Variants in SLC8A2 observed in about 807,000 individuals in gnomAD.
SLC8A2 encodes solute carrier family 8 member A2, also known as sodium/calcium exchanger 2.
SLC8A2 carries 14 observed loss-of-function variants against 70.2 expected under a neutral mutation model. The observed-to-expected ratio is 0.20, with a 90% CI of 0.13 to 0.31. The LOEUF (loss-of-function observed/expected upper bound fraction) is 0.31. Ranked by LOEUF, SLC8A2 falls within the 10% of genes least tolerant of loss-of-function variation. The pLI, the probability that SLC8A2 is intolerant of heterozygous loss-of-function variation, is 1.00. For missense variants in SLC8A2, 779 were observed against 1,320.1 expected, an observed-to-expected ratio of 0.59 and a Z score of 6.35; for synonymous variants, 575 against 594.3, an observed-to-expected ratio of 0.97 and a Z score of 0.47.
intron 1 of SLC8A2, among the ~76,000 whole-genome samples, chr19:47,469,115 T>A (rs1599862252): frequency 8.5e-6 from 1 of 117,912 alleles, no homozygotes; most frequent in Middle Eastern, 4.4e-3. Flanking sequence ...AGCATGCCTG[T>A]GTGCGTGTGT....
rs1250856960 is a variant in SLC8A2, at chr19:47,429,834, T to C, written c.*255A>G. 1 of 571,976 alleles carries C rather than the reference T, an allele frequency of 1.7e-6. No homozygotes were observed. Among genetic ancestry groups the C allele is most frequent in the Admixed American group, 3.2e-5 (1 of 31,106 alleles). The allele number at this position is 571,976 out of a possible 1,614,324, so 35.4% of individuals were successfully genotyped here. On this transcript the variant is annotated 3_prime_UTR_variant, in exon 10 of 10. Transcript: ENST00000236877. ...GAAATTTCCCCAGGGATATAGACGG[T>C]CACCAACAGGATGGGCTGGAGTTGG...
Position 47,432,735 on chromosome 19 carries a change from T to C in SLC8A2, c.2111-290A>G, listed in dbSNP as rs991371229. ...AAAACAGTTACTTCCATAGAATCCC[T>C]TGGAGCTAGGGGCATGACTGAGTCC... On this transcript the variant is annotated intron_variant, in intron 8 of 9. Coordinates refer to ENST00000236877, the MANE Select transcript of SLC8A2 (RefSeq NM_015063.3). This position sits in a 1 kb window ranked among gnomAD's most constrained non-coding sequence, Gnocchi z 6.2. Among the ~76,000 whole-genome samples the C allele has an allele frequency of 7.9e-5, 12 of 152,012 alleles. No individual in the cohort carries two copies. Among genetic ancestry groups the C allele is most frequent in the African/African-American group, 2.7e-4 (11 of 41,368 alleles).
Position 47,447,641 on chromosome 19 carries a change from C to A in SLC8A2, c.1763+168G>T. ...CCACGTCGTGGGCATGGGTCACAGG[C>A]CCCGCCCACGTTGCGGGCACGGCCA... On this transcript the variant is annotated intron_variant, in intron 4 of 9. Transcript: ENST00000236877. This position sits in a 1 kb window ranked among gnomAD's most constrained non-coding sequence, Gnocchi z 5.1. 1.8e-6 allele frequency: 1 copy of A among 564,550 alleles called. No individual in the cohort carries two copies. The highest frequency in any genetic ancestry group is 3.8e-5 in the Admixed American group (1 of 26,338). 35.0% of individuals were successfully genotyped at this position (564,550 alleles called of 1,614,324 possible).
rs555066276 is a variant in SLC8A2 at position 47,448,621 on chromosome 19, A to G, written c.1341-390T>C. 1.3e-5 allele frequency among the ~76,000 whole-genome samples: 2 copies of G among 152,320 alleles called. No homozygotes were observed. The highest frequency in any genetic ancestry group is 6.5e-5 in the Admixed American group (1 of 15,300). ...GTTGAGAGGGAGCCTGGGGTGTTCT[A>G]CATCCCTGCTTCTCAAACCTTAATA... On this transcript the variant is annotated intron_variant, in intron 3 of 9. Transcript: ENST00000236877. The surrounding 1 kb of genome is among the most constrained non-coding windows in gnomAD (Gnocchi z 4.8).
chr19:47,432,231 G>A lies in SLC8A2; in HGVS notation c.2325C>T (p.Cys775=), dbSNP rs1599843166. The A allele has an allele frequency of 6.2e-7, 1 of 1,614,082 alleles. No individual in the cohort carries two copies. Among genetic ancestry groups the A allele is most frequent in the Non-Finnish European group, 8.5e-7 (1 of 1,179,960 alleles). ...TGACAGAGTCCTTGAGGCCAACGGT[G>A]CAGCCGAAGTGGGAGGCGAGGTCCC... ...LIGDLASHFG[C]TVGLKDSVNA... The change falls in exon 9 of 10, where the codon TGC becomes TGT. Residue 775 remains cysteine, a synonymous_variant. Coordinates refer to ENST00000236877, the MANE Select transcript of SLC8A2 (RefSeq NM_015063.3). The surrounding 1 kb of genome is among the most constrained non-coding windows in gnomAD (Gnocchi z 6.2).
intron 6 of SLC8A2, among the ~76,000 whole-genome samples, chr19:47,440,779 C>T (rs1002579609): frequency 6.6e-6 from 1 of 151,998 alleles, no homozygotes; most frequent in African/African-American, 2.4e-5. Flanking sequence ...TTAATAGAGA[C>T]GGAGTTTCAC....
At chr19:47,470,506 AC>A (rs1381167463) in intron 1 of SLC8A2, among the ~76,000 whole-genome samples, 1 of 151,630 alleles carries the variant, frequency 6.6e-6, no homozygotes, top group Non-Finnish European at 1.5e-5. Flanking sequence ...CCCTCTCAGC[AC>A]CCCCCACTGA....
Position 47,437,752 on chromosome 19 carries a change from C to T in SLC8A2, c.2010+97G>A. 2.7e-6 allele frequency: 4 copies of T among 1,482,454 alleles called. No individual in the cohort carries two copies. In the South Asian group the frequency reaches 4.6e-5, roughly 17 times the overall value. The allele number at this position is 1,482,454 out of a possible 1,614,324, so 91.8% of individuals were successfully genotyped here. A position where few individuals can be genotyped will look rare whatever the true frequency, so the allele number is the denominator to read the frequency against. On this transcript the variant is annotated intron_variant, in intron 7 of 9. Transcript: ENST00000236877. ...GTCCTGACGTGGGACCCTTCTTTGG[C>T]TTGATCTTAGGAACCTTGTGGCTCC...
intron 3 of SLC8A2, among the ~76,000 whole-genome samples, chr19:47,451,166 G>C (rs973324230): frequency 4.0e-5 from 6 of 151,850 alleles, no homozygotes; most frequent in African/African-American, 1.5e-4. Flanking sequence ...GTGCCACCAT[G>C]CCTGGCTAAT....
intron 2 of SLC8A2, among the ~76,000 whole-genome samples, chr19:47,459,579 CGTGT>C (rs536605088): frequency 1.9e-3 from 285 of 151,072 alleles, no homozygotes; most frequent in African/African-American, 6.5e-3. Context: ...TGTGTATGTG[CGTGT>C]GTGTGTCCTG....
At chr19:47,444,399 G>T (rs1229742930) in intron 4 of SLC8A2, among the ~76,000 whole-genome samples, 3 of 152,032 alleles carry the variant, frequency 2.0e-5, no homozygotes, top group Non-Finnish European at 4.4e-5. Context: ...GGGGACATCC[G>T]CCCACCTCCA....
chr19:47,448,629 G>A lies in SLC8A2; in HGVS notation c.1341-398C>T, dbSNP rs1967198975. On this transcript the variant is annotated intron_variant, in intron 3 of 9. Transcript: ENST00000236877. This position sits in a 1 kb window ranked among gnomAD's most constrained non-coding sequence, Gnocchi z 4.8. ...GGAGCCTGGGGTGTTCTACATCCCT[G>A]CTTCTCAAACCTTAATATGCATATG... 6.6e-6 allele frequency among the ~76,000 whole-genome samples: 1 copy of A among 152,176 alleles called. No homozygotes were observed. The highest frequency in any genetic ancestry group is 6.5e-5 in the Admixed American group (1 of 15,276).
chr19:47,464,331 C>T (rs368831737), intron 2 of SLC8A2, among the ~76,000 whole-genome samples: 3 of 152,186 alleles, frequency 2.0e-5, no homozygotes, highest in South Asian at 2.1e-4. Flanking sequence ...AGGCTGGTCT[C>T]GAACTCCTGA....
intron 5 of SLC8A2, 72 bp downstream of exon 5, chr19:47,441,265 G>A: frequency 6.3e-7 from 1 of 1,583,966 alleles, no homozygotes; most frequent in East Asian, 2.2e-5. Flanking sequence ...AGGAGTGCCT[G>A]CAATTGAGCC....
At chr19:47,431,572 C>T (rs1966960551) in intron 9 of SLC8A2, among the ~76,000 whole-genome samples, 1 of 147,850 alleles carries the variant, frequency 6.8e-6, no homozygotes, top group Non-Finnish European at 1.5e-5. Flanking sequence ...TCGCTTGAAC[C>T]TGGGAGGCAG....
In SLC8A2 at chr19:47,432,024, T is replaced by C. The variant is rs1055574464; in HGVS notation, c.2389+143A>G. 29 of 729,356 alleles carry C rather than the reference T, an allele frequency of 4.0e-5. No homozygotes were observed. Among genetic ancestry groups the C allele is most frequent in the African/African-American group, 3.1e-4 (17 of 55,476 alleles). 45.2% of individuals were successfully genotyped at this position (729,356 alleles called of 1,614,324 possible). ...CCTAGGGGACCCGCTGCCTGGCTTC[T>C]ATTATGCCCCACCTCCGTATTTCTC... On this transcript the variant is annotated intron_variant, in intron 9 of 9. Transcript: ENST00000236877. This position sits in a 1 kb window ranked among gnomAD's most constrained non-coding sequence, Gnocchi z 6.2.
intron 4 of SLC8A2, among the ~76,000 whole-genome samples, chr19:47,445,065 C>A (rs1967143644): frequency 6.6e-6 from 1 of 151,176 alleles, no homozygotes; most frequent in African/African-American, 2.4e-5. Context: ...CACCTCTCTC[C>A]CTCCCTCAAA....
rs1967493467 is a variant in SLC8A2, at chr19:47,468,642, C to T, written c.-16-2223G>A. Reference sequence around the variant, plus strand: ...CTCTCTCTGCCCTTTCAGGTTTCCACTCTGATGTCAGCTTCCCCAAACACC... The same window carrying T: ...CTCTCTCTGCCCTTTCAGGTTTCCATTCTGATGTCAGCTTCCCCAAACACC... On this transcript the variant is annotated intron_variant, in intron 1 of 9. Transcript: ENST00000236877. This position sits in a 1 kb window ranked among gnomAD's most constrained non-coding sequence, Gnocchi z 5.1. 6.6e-6 allele frequency among the ~76,000 whole-genome samples: 1 copy of T among 152,220 alleles called. No homozygotes were observed. Among genetic ancestry groups the T allele is most frequent in the Non-Finnish European group, 1.5e-5 (1 of 68,034 alleles).
rs1025558604 is a variant in SLC8A2 at position 47,465,718 on chromosome 19, T to C, written c.675+11A>G. On this transcript the variant is annotated intron_variant, in intron 2 of 9. Transcript: ENST00000236877. This position sits in a 1 kb window ranked among gnomAD's most constrained non-coding sequence, Gnocchi z 5.5. ...CATGCACCAAGAAAGCATCTATGCG[T>C]CTTTGCTCACCTGGACCACACCGGG... is the stretch of plus-strand genomic sequence containing the variant. 1.3e-6 allele frequency: 2 copies of C among 1,599,556 alleles called. No individual in the cohort carries two copies. Among genetic ancestry groups the C allele is most frequent in the Admixed American group, 1.7e-5 (1 of 58,564 alleles).
Sources: allele counts gnomAD v4.1 joint callset (sites outside exome capture counted in the v4.1 genomes callset), GRCh38; gene constraint gnomAD v4.1.1; non-coding constraint Gnocchi (gnomAD v3.1); transcripts MANE v1.5; gene names NCBI Gene and HGNC (gene_info 2026-07-23, HGNC 2026-07-21).